SAXO1: variants seen among roughly 807,000 people sequenced by gnomAD.
SAXO1 encodes the protein 4930500O09Rik.
SAXO1 carries 21 observed loss-of-function variants against 17.5 expected under a neutral mutation model. That is an observed-to-expected ratio of 1.20 (90% CI 0.85 to 1.72). The LOEUF is 1.72. Among genes scored for constraint, SAXO1 ranks in the 40% most tolerant of loss-of-function variants. The pLI is 0.00. For missense variants in SAXO1, 843 were observed against 596.0 expected (o/e 1.41, Z -4.32); for synonymous variants, 274 against 216.5 (o/e 1.27, Z -2.33).
intron 1 of SAXO1, among the ~76,000 whole-genome samples, chr9:19,019,673 T>C (rs1245160417): frequency 6.6e-6 from 1 of 151,978 alleles, no homozygotes; most frequent in East Asian, 1.9e-4. Context: ...GAGGTTGCAA[T>C]GAGCCCAGAC....
At position 18,950,887 on chromosome 9, in the gene SAXO1, TTC is replaced by T. The variant is rs766388731; in HGVS notation, c.87_88del (p.Lys30ThrfsTer60). On this transcript the variant is annotated frameshift_variant, in exon 2 of 4. Coordinates refer to ENST00000380534, the MANE Select transcript of SAXO1 (RefSeq NM_153707.4). LOFTEE classifies it high-confidence loss of function. ...GGTATATTCGGAGAGAAGACATGGT[TTC>T]TCTGTTTTATCATAAATCTTGGTAG... The T allele has an allele frequency of 1.9e-6, 3 of 1,613,618 alleles. No homozygotes were observed. The Admixed American group carries it at 5.0e-5, about 27-fold the overall frequency.
intron 1 of SAXO1, among the ~76,000 whole-genome samples, chr9:19,024,181 G>C (rs1421463443): frequency 6.6e-6 from 1 of 151,806 alleles, no homozygotes; most frequent in African/African-American, 2.4e-5. Flanking sequence ...ACGATCTCCT[G>C]CAGGCTCAAG....
Position 18,977,069 on chromosome 9 carries a change from C to T in SAXO1, c.39-26132G>A, listed in dbSNP as rs1236377979. On this transcript the variant is annotated intron_variant, in intron 1 of 3. Coordinates refer to ENST00000380534, the MANE Select transcript of SAXO1 (RefSeq NM_153707.4). Reference sequence around the variant, plus strand: ...AGAGATTTATTCCATCCAATGAGGTCATCTTCGTGGACTATATAACCACTG... The same window carrying T: ...AGAGATTTATTCCATCCAATGAGGTTATCTTCGTGGACTATATAACCACTG... 2.0e-5 allele frequency among the ~76,000 whole-genome samples: 3 copies of T among 152,208 alleles called. No individual in the cohort carries two copies. In the East Asian group the frequency reaches 5.8e-4, roughly 29 times the overall value.
At chr9:18,971,522 T>C (rs1832942447) in intron 1 of SAXO1, among the ~76,000 whole-genome samples, 1 of 152,158 alleles carries the variant, frequency 6.6e-6, no homozygotes, top group African/African-American at 2.4e-5. Context: ...ACTACATTTA[T>C]TCCTCTGAGT....
intron 1 of SAXO1, among the ~76,000 whole-genome samples, chr9:19,046,772 G>T (rs1054638580): frequency 3.3e-5 from 5 of 151,770 alleles, no homozygotes; most frequent in Non-Finnish European, 5.9e-5. Context: ...AGGCTGGCAT[G>T]TGAGGATCCC....
Position 18,929,027 on chromosome 9 carries a change from C to A in SAXO1, c.450G>T (p.Arg150Ser), listed in dbSNP as rs1329042089. The change falls in exon 4 of 4, where the codon AGG (arginine) becomes AGT (serine). Residue 150 changes from arginine (R) to serine (S), a missense_variant. By Grantham distance (110) the Arg-to-Ser change is moderately radical. Coordinates refer to ENST00000380534, the MANE Select transcript of SAXO1 (RefSeq NM_153707.4). ...TGTGTTCCAGACGAAGTGGCTCTCG[C>A]CTTGGTTGGTTCCAAGGCAAATAAT... ...KADYLPWNQP[R>S]REPLRLEHKY... 1.9e-6 allele frequency: 3 copies of A among 1,613,992 alleles called. No individual in the cohort carries two copies. Among genetic ancestry groups the A allele is most frequent in the Non-Finnish European group, 2.5e-6 (3 of 1,180,036 alleles).
chr9:19,017,166 CAGAAAGAAGAG>C (rs1311590563), intron 1 of SAXO1, among the ~76,000 whole-genome samples: 1 of 150,806 alleles, frequency 6.6e-6, no homozygotes, highest in Non-Finnish European at 1.5e-5. Flanking sequence ...AGGGCAAAGG[CAGAAAGAAGAG>C]AGAAAGAAAA....
At chr9:18,995,478 C>A (rs1833964011) in intron 1 of SAXO1, among the ~76,000 whole-genome samples, 1 of 152,204 alleles carries the variant, frequency 6.6e-6, no homozygotes, top group Non-Finnish European at 1.5e-5. Context: ...TGATTCCAAG[C>A]CCTGCTCCTC....
chr9:19,027,480 G>C, intron 1 of SAXO1: 1 of 801,176 alleles, frequency 1.2e-6, no homozygotes. Flanking sequence ...AGAAGTTTGA[G>C]AACTTGCGGA....
chr9:18,994,865 C>A (rs1437679922), intron 1 of SAXO1, among the ~76,000 whole-genome samples: 1 of 152,182 alleles, frequency 6.6e-6, no homozygotes, highest in African/African-American at 2.4e-5. Flanking sequence ...TGACAGGCTG[C>A]CAGCATCTCC....
At chr9:18,978,948 T>C (rs1466523523) in intron 1 of SAXO1, among the ~76,000 whole-genome samples, 1 of 152,134 alleles carries the variant, frequency 6.6e-6, no homozygotes, top group East Asian at 1.9e-4. Flanking sequence ...TAAGAAAGAC[T>C]CCAAGGCCTC....
At chr9:18,959,679 G>T (rs573325312) in intron 1 of SAXO1, among the ~76,000 whole-genome samples, 2 of 152,124 alleles carry the variant, frequency 1.3e-5, no homozygotes, top group East Asian at 3.9e-4. Flanking sequence ...GCTGAGGCAG[G>T]AGAATCACTT....
At chr9:18,938,854 A>ATGTGTGTGTGTGTGTGTGTGTGTG (rs981075599) in intron 3 of SAXO1, among the ~76,000 whole-genome samples, 9 of 39,716 alleles carry the variant, frequency 2.3e-4, no homozygotes, top group Admixed American at 5.3e-4. Context: ...GTGTGTGTGT[A>ATGTGTGTGTGTGTGTGTGTGTGTG]TGTGTGTGTG....
chr9:19,045,258 C>T (rs553954432), intron 1 of SAXO1, among the ~76,000 whole-genome samples: 2 of 137,190 alleles, frequency 1.5e-5, no homozygotes, highest in Non-Finnish European at 3.0e-5. Flanking sequence ...TGCAGTGAGC[C>T]GAGATTGCGC....
chr9:18,982,003 C>G (rs1211060716), intron 1 of SAXO1, among the ~76,000 whole-genome samples: 1 of 152,214 alleles, frequency 6.6e-6, no homozygotes, highest in Admixed American at 6.5e-5. Context: ...TCCTTGCTCT[C>G]TAGGCCTCCC....
chr9:18,929,038 T>A lies in SAXO1; in HGVS notation c.439A>T (p.Asn147Tyr), dbSNP rs1830920234. The change falls in exon 4 of 4, where the codon AAC becomes TAC. Residue 147 changes from asparagine (N) to tyrosine (Y), a missense_variant. By Grantham distance (143) the Asn-to-Tyr change is moderately radical. Transcript: ENST00000380534. Reference protein sequence around the residue: ...PTYKADYLPWNQPRREPLRLE... With the variant: ...PTYKADYLPWYQPRREPLRLE... ...CGAAGTGGCTCTCGCCTTGGTTGGTTCCAAGGCAAATAATCAGCTGAAATT... is the reference window on the plus strand; with the variant it reads ...CGAAGTGGCTCTCGCCTTGGTTGGTACCAAGGCAAATAATCAGCTGAAATT... 2.5e-6 allele frequency: 4 copies of A among 1,613,692 alleles called. No homozygotes were observed. Among genetic ancestry groups the A allele is most frequent in the Non-Finnish European group, 3.4e-6 (4 of 1,179,906 alleles).
chr9:18,950,939 T>A lies in SAXO1; in HGVS notation c.39-2A>T. The stretch of plus-strand genomic sequence containing the variant: ...GGGAGATGTGGACAGTGATGCCGCC[T>A]ATAAAAGACACAGAGTTAGGTTGAT... On this transcript the variant is annotated splice_acceptor_variant, in intron 1 of 3. Coordinates refer to ENST00000380534, the MANE Select transcript of SAXO1 (RefSeq NM_153707.4). LOFTEE classifies it high-confidence loss of function. 1 of 1,609,750 alleles carries A rather than the reference T, an allele frequency of 6.2e-7. No individual in the cohort carries two copies. The highest frequency in any genetic ancestry group is 1.1e-5 in the South Asian group (1 of 90,500).
At chr9:19,043,363 G>A (rs2131073656) in intron 1 of SAXO1, among the ~76,000 whole-genome samples, 1 of 152,304 alleles carries the variant, frequency 6.6e-6, no homozygotes. Flanking sequence ...TGAACTCACA[G>A]ACACAGAGAG....
intron 1 of SAXO1, among the ~76,000 whole-genome samples, chr9:19,007,387 T>G (rs1210859402): frequency 1.3e-5 from 2 of 152,172 alleles, no homozygotes; most frequent in Non-Finnish European, 2.9e-5. Flanking sequence ...TGTTAAATTT[T>G]AAGTTACATA....
Sources: allele counts gnomAD v4.1 joint callset (sites outside exome capture counted in the v4.1 genomes callset), GRCh38; gene constraint gnomAD v4.1.1; transcripts MANE v1.5; gene names NCBI Gene and HGNC (gene_info 2026-07-23, HGNC 2026-07-21).